Variants in DNAH9 observed in about 807,000 individuals in gnomAD.
DNAH9 encodes the protein dynein axonemal heavy chain 9.
In DNAH9, 345 loss-of-function variants were observed where a neutral mutation model predicts 471.6. The observed-to-expected ratio is 0.73, with a 90% CI of 0.67 to 0.80. The LOEUF (loss-of-function observed/expected upper bound fraction) is 0.80, where lower values mean the gene tolerates loss of function less well. DNAH9 is among the 30% of genes least tolerant of loss of function. The probability of loss-of-function intolerance (pLI) is 0.00; values close to 1 mark genes in which losing one functional copy is unlikely to be tolerated. For missense variants in DNAH9, 5,407 were observed against 5,609.2 expected (o/e 0.96, Z 1.15); for synonymous variants, 2,093 against 2,123.6 (o/e 0.99, Z 0.40).
Position 11,834,578 on chromosome 17 carries a change from C to T in DNAH9, c.9247-60C>T, listed in dbSNP as rs57971270. 4.4e-3 allele frequency: 7,004 copies of T among 1,594,396 alleles called. 267 individuals carry two copies. In the African/African-American group the frequency reaches 0.081, roughly 18 times the overall value. ...CATGCCCAACAGGCCAGTGACTAGT[C>T]CAGTGCCCACAGTCCCTCCAGTCAC... On this transcript the variant is annotated intron_variant, in intron 48 of 68. Transcript: ENST00000262442.
chr17:11,671,410 G>C (rs965916157), intron 17 of DNAH9, among the ~76,000 whole-genome samples: 2 of 152,190 alleles, frequency 1.3e-5, no homozygotes, highest in Non-Finnish European at 2.9e-5. Flanking sequence ...AAGCAGAGGG[G>C]GGGCAGAGAA....
chr17:11,680,892 A>G lies in DNAH9; in HGVS notation c.3743+3A>G. The G allele has an allele frequency of 6.2e-7, 1 of 1,607,296 alleles. No homozygotes were observed. Among genetic ancestry groups the G allele is most frequent in the East Asian group, 2.2e-5 (1 of 44,600 alleles). On this transcript the variant is annotated splice_donor_region_variant and intron_variant, in intron 19 of 68. Transcript: ENST00000262442. ...TTCCACAAAGAAGCCCCGTTCAGGT[A>G]TGGGCCGAACACTGCTGCCTCTCTT...
chr17:11,663,902 G>A lies in DNAH9; in HGVS notation c.2596-931G>A, dbSNP rs184792531. On this transcript the variant is annotated intron_variant, in intron 14 of 68. Transcript: ENST00000262442. The stretch of plus-strand genomic sequence containing the variant: ...GAACATCTTAAGTCTACTTAAGAAA[G>A]AAAGGTGTAGGTATTGCATCTTAGA... Among the ~76,000 whole-genome samples, 93 of 152,294 alleles carry A rather than the reference G, an allele frequency of 6.1e-4. 1 individual carries two copies. The highest frequency in any genetic ancestry group is 4.9e-4 in the Non-Finnish European group (33 of 68,018).
chr17:11,832,159 C>T (rs1424259491), intron 48 of DNAH9, among the ~76,000 whole-genome samples: 1 of 152,122 alleles, frequency 6.6e-6, no homozygotes, highest in Non-Finnish European at 1.5e-5. Context: ...TAAAATGGAC[C>T]TGAGTTATGC....
intron 65 of DNAH9, among the ~76,000 whole-genome samples, chr17:11,936,935 G>A (rs1288368896): frequency 2.0e-5 from 3 of 152,148 alleles, no homozygotes; most frequent in African/African-American, 7.2e-5. Flanking sequence ...AGATGGAGGG[G>A]AGAGAAAAGA....
Position 11,701,309 on chromosome 17 carries a change from C to G in DNAH9, c.5151+62C>G, listed in dbSNP as rs375324894. On this transcript the variant is annotated intron_variant, in intron 24 of 68. Coordinates refer to ENST00000262442, the MANE Select transcript of DNAH9 (RefSeq NM_001372.4). ...GGGCTGTCTTCCTCCGCAGCCTCCCCCAGCCTTCAGCAGCTGGTAGATATC... is the reference window on the plus strand; with the variant it reads ...GGGCTGTCTTCCTCCGCAGCCTCCCGCAGCCTTCAGCAGCTGGTAGATATC... The G allele has an allele frequency of 3.6e-5, 56 of 1,575,034 alleles. 1 individual carries two copies. The South Asian group carries it at 5.0e-4, about 14-fold the overall frequency.
chr17:11,903,684 C>T lies in DNAH9; in HGVS notation c.11600+772C>T, dbSNP rs112811676. ...CCAGCACTTTGGGAGGCTGAGGCGG[C>T]GGATCGCTTAAGGTCAGGAGTTTGA... is the stretch of plus-strand genomic sequence containing the variant. On this transcript the variant is annotated intron_variant, in intron 60 of 68. Transcript: ENST00000262442. Among the ~76,000 whole-genome samples, 119 of 152,016 alleles carry T rather than the reference C, an allele frequency of 7.8e-4. 1 individual carries two copies. In the East Asian group the frequency reaches 8.4e-3, roughly 11 times the overall value.
rs752788361 is a variant in DNAH9 at position 11,611,739 on chromosome 17, A to G, written c.863A>G (p.Tyr288Cys). The G allele has an allele frequency of 1.2e-6, 2 of 1,614,004 alleles. No individual in the cohort carries two copies. The highest frequency in any genetic ancestry group is 1.7e-6 in the Non-Finnish European group (2 of 1,179,936). The change falls in exon 4 of 69, where the codon TAC becomes TGC. Residue 288 changes from tyrosine to cysteine, a missense_variant. Around this residue, in one of 3 missense-constraint regions of DNAH9, gnomAD observed 767 missense variants for 692.5 expected, o/e 1.11. Transcript: ENST00000262442. The stretch of plus-strand genomic sequence containing the variant: ...CTCCTGGACAAGCTTCAGAGTAGCT[A>G]CTTTCCAGCTTTCAAAGCCATGTAC... ...AKLLDKLQSS[Y>C]FPAFKAMYRD...
At chr17:11,909,525 C>T (rs767642676) in intron 61 of DNAH9, among the ~76,000 whole-genome samples, 2 of 152,204 alleles carry the variant, frequency 1.3e-5, no homozygotes, top group African/African-American at 4.8e-5. Flanking sequence ...TTTCCCCTTG[C>T]TCCTTCCTGC....
chr17:11,936,770 T>G (rs1171501823), intron 65 of DNAH9, among the ~76,000 whole-genome samples: 1 of 152,164 alleles, frequency 6.6e-6, no homozygotes, highest in Non-Finnish European at 1.5e-5. Context: ...GGGTGACACA[T>G]AGTTTCAAAA....
At chr17:11,628,056 G>A (rs1434210436) in intron 6 of DNAH9, among the ~76,000 whole-genome samples, 1 of 152,184 alleles carries the variant, frequency 6.6e-6, no homozygotes, top group Non-Finnish European at 1.5e-5. Context: ...CTCCAGAGCA[G>A]AGGATCCCTC....
intron 35 of DNAH9, among the ~76,000 whole-genome samples, chr17:11,760,430 G>A (rs1567781395): frequency 6.6e-6 from 1 of 152,082 alleles, no homozygotes; most frequent in Non-Finnish European, 1.5e-5. Flanking sequence ...TATTCTGACT[G>A]TATTAAGTCT....
chr17:11,848,097 C>T (rs1184526691), intron 49 of DNAH9, among the ~76,000 whole-genome samples: 5 of 152,132 alleles, frequency 3.3e-5, no homozygotes, highest in South Asian at 2.1e-4. Flanking sequence ...TGTACTCTCT[C>T]GTAGGTCTCT....
chr17:11,943,406 CG>C (rs1567567117), intron 67 of DNAH9, among the ~76,000 whole-genome samples: 1 of 151,784 alleles, frequency 6.6e-6, no homozygotes, highest in Non-Finnish European at 1.5e-5. Flanking sequence ...GGGCCGGGCG[CG>C]GTGGCTCGTG....
chr17:11,823,147 C>G, intron 48 of DNAH9, 113 bp downstream of exon 48: 1 of 863,624 alleles, frequency 1.2e-6, no homozygotes, highest in Non-Finnish European at 1.7e-6. Flanking sequence ...GTACGGTTTT[C>G]CAGAGACTCC....
In DNAH9 at chr17:11,690,194, A is replaced by G. The variant is rs2074309728; in HGVS notation, c.4372A>G (p.Asn1458Asp). ...EFQYEPHPRT[N>D]VPLLCSDEDL... ...CCAGTATGAGCCCCACCCACGGACC[A>G]ATGTCCCCCTCCTGTGCTCTGATGA... The change falls in exon 20 of 69, where the codon AAT becomes GAT. Residue 1458 changes from asparagine to aspartate, a missense_variant. Around this residue, in one of 3 missense-constraint regions of DNAH9, gnomAD observed 4,636 missense variants for 4,900.3 expected, o/e 0.95. Coordinates refer to ENST00000262442, the MANE Select transcript of DNAH9 (RefSeq NM_001372.4). 2 of 1,614,196 alleles carry G rather than the reference A, an allele frequency of 1.2e-6. No homozygotes were observed. The highest frequency in any genetic ancestry group is 1.3e-5 in the African/African-American group (1 of 75,064).
intron 26 of DNAH9, among the ~76,000 whole-genome samples, chr17:11,718,060 A>G (rs1176079625): frequency 1.5e-5 from 2 of 130,096 alleles, no homozygotes; most frequent in African/African-American, 5.3e-5. Context: ...GTGTGTGTGT[A>G]GATATGGGGT....
intron 15 of DNAH9, among the ~76,000 whole-genome samples, chr17:11,668,523 G>C (rs2150726397): frequency 6.6e-6 from 1 of 152,100 alleles, no homozygotes; most frequent in African/African-American, 2.4e-5. Flanking sequence ...AAATTAGCCG[G>C]GCATAGTGTC....
chr17:11,689,729 A>T lies in DNAH9; in HGVS notation c.3907A>T (p.Lys1303Ter), dbSNP rs774788553. 27 of 1,614,210 alleles carry T rather than the reference A, an allele frequency of 1.7e-5. No homozygotes were observed. The highest frequency in any genetic ancestry group is 2.2e-5 in the Non-Finnish European group (26 of 1,180,028). ...GTGCAGGAAGGAGGTCTGCCAGCTGAAGGAGCTCTGGGACACCATTGGAAT... is the reference window on the plus strand; with the variant it reads ...GTGCAGGAAGGAGGTCTGCCAGCTGTAGGAGCTCTGGGACACCATTGGAAT... ...RQCRKEVCQL[K>*]ELWDTIGMVT... The change falls in exon 20 of 69, where the codon AAG becomes TAG. Residue 1303 changes from lysine (K) to a stop codon, truncating the protein, a stop_gained. Coordinates refer to ENST00000262442, the MANE Select transcript of DNAH9 (RefSeq NM_001372.4). LOFTEE classifies it high-confidence loss of function.
Sources: gnomAD v4.1 joint callset for allele counts (sites outside exome capture counted in the v4.1 genomes callset) on GRCh38, gnomAD v4.1.1 for gene constraint, gnomAD v4.1.1 regional missense constraint, MANE v1.5 for transcripts, NCBI Gene and HGNC (gene_info 2026-07-23, HGNC 2026-07-21) for gene names.